Variants in AOPEP observed in about 807,000 individuals in gnomAD.
AOPEP encodes the protein aminopeptidase O.
AOPEP carries 77 observed loss-of-function variants against 98.1 expected under a neutral mutation model. That is an observed-to-expected ratio of 0.78 (90% CI 0.65 to 0.95). The LOEUF (loss-of-function observed/expected upper bound fraction) is 0.95, where lower values mean the gene tolerates loss of function less well. Among genes scored for constraint, AOPEP ranks in the 40% least tolerant of loss-of-function variants. The pLI is 0.00. For synonymous variants in AOPEP, 346 were observed against 365.3 expected, an observed-to-expected ratio of 0.95 and a Z score of 0.60; for missense variants, 1,024 against 1,024.7, an observed-to-expected ratio of 1.00 and a Z score of 0.01.
At chr9:94,732,266 A>G (rs1412319974) in intron 1 of AOPEP, among the ~76,000 whole-genome samples, 2 of 139,920 alleles carry the variant, frequency 1.4e-5, no homozygotes, top group Non-Finnish European at 3.1e-5. Flanking sequence ...TTTTTACCTT[A>G]TCTTTATGAG....
intron 7 of AOPEP, among the ~76,000 whole-genome samples, chr9:94,943,597 TAAAAAAA>T (rs1183754020): frequency 1.4e-5 from 1 of 69,306 alleles, no homozygotes; most frequent in African/African-American, 5.7e-5. Context: ...CCATCTCAAA[TAAAAAAA>T]AAAAAGAAAA....
intron 14 of AOPEP, among the ~76,000 whole-genome samples, chr9:95,061,727 G>A (rs563472960): frequency 3.9e-5 from 6 of 152,196 alleles, no homozygotes; most frequent in African/African-American, 1.2e-4. Context: ...AGAAAAGCCC[G>A]TTCCTTATTA....
rs1417311713 is a variant in AOPEP, at chr9:95,085,644, TGA to T, written c.*5-1033_*5-1032del. ...GGGTGCGGAGCGCGATCCTGGAGGA[TGA>T]GAGACCACTTGACCCCAAGGATGCA... On this transcript the variant is annotated intron_variant, in intron 16 of 16. Transcript: ENST00000375315. The T allele has an allele frequency of 1.1e-5, 4 of 367,418 alleles. No homozygotes were observed. The East Asian group carries it at 2.2e-4, about 20-fold the overall frequency. 22.8% of individuals were successfully genotyped at this position (367,418 alleles called of 1,614,324 possible).
intron 14 of AOPEP, among the ~76,000 whole-genome samples, chr9:95,072,400 G>C (rs949292654): frequency 6.6e-6 from 1 of 152,198 alleles, no homozygotes; most frequent in African/African-American, 2.4e-5. Context: ...GCTTATGTTT[G>C]TAATCCCAGC....
chr9:95,047,268 AGTG>A (rs1394275330), intron 13 of AOPEP, among the ~76,000 whole-genome samples: 1 of 152,230 alleles, frequency 6.6e-6, no homozygotes, highest in Non-Finnish European at 1.5e-5. Context: ...AAGTTTTTAT[AGTG>A]GTGGGGTTTT....
chr9:94,951,811 G>A (rs1033629428), intron 7 of AOPEP, among the ~76,000 whole-genome samples: 3 of 152,186 alleles, frequency 2.0e-5, no homozygotes, highest in African/African-American at 4.8e-5. Context: ...CCTCATGGTT[G>A]CAAGATGGCC....
At chr9:94,745,222 T>A (rs1330132211) in intron 1 of AOPEP, among the ~76,000 whole-genome samples, 1 of 152,138 alleles carries the variant, frequency 6.6e-6, no homozygotes, top group African/African-American at 2.4e-5. Context: ...TTCTCCCTCC[T>A]ACCTAGCCTC....
intron 13 of AOPEP, among the ~76,000 whole-genome samples, chr9:95,023,202 T>TG (rs1320090261): frequency 7.2e-5 from 11 of 152,230 alleles, no homozygotes; most frequent in African/African-American, 2.7e-4. Flanking sequence ...TTTTCAGACT[T>TG]AAAGTCATTT....
At chr9:94,983,037 G>T (rs982132176) in intron 11 of AOPEP, among the ~76,000 whole-genome samples, 1 of 149,228 alleles carries the variant, frequency 6.7e-6, no homozygotes, top group Non-Finnish European at 1.5e-5. Flanking sequence ...TTTTGTTTTT[G>T]TTTTTTTTGA....
chr9:95,143,387 G>A, the AOPEP span, among the ~76,000 whole-genome samples: 5 of 152,146 alleles, frequency 3.3e-5, no homozygotes, highest in Non-Finnish European at 7.3e-5. Flanking sequence ...GAACTCTGGG[G>A]GTCAGGTGTG....
At chr9:95,122,258 C>A in the AOPEP span, among the ~76,000 whole-genome samples, 7 of 152,052 alleles carry the variant, frequency 4.6e-5, 1 homozygote, top group East Asian at 1.2e-3. Flanking sequence ...TACAGATACT[C>A]ATTTTATTAA....
intron 5 of AOPEP, among the ~76,000 whole-genome samples, chr9:94,923,495 C>T (rs932572245): frequency 4.6e-5 from 7 of 152,190 alleles, no homozygotes; most frequent in South Asian, 2.1e-4. Flanking sequence ...GCCAGCTCCC[C>T]GTGCAGAATG....
chr9:94,793,642 A>C (rs549309546), intron 4 of AOPEP, among the ~76,000 whole-genome samples: 4 of 151,568 alleles, frequency 2.6e-5, no homozygotes, highest in African/African-American at 9.7e-5. Context: ...GCGCCACCGC[A>C]CTCCAGCCTG....
chr9:95,048,789 G>T (rs996483244), intron 13 of AOPEP: 2 of 152,188 alleles, frequency 1.3e-5, no homozygotes, highest in African/African-American at 4.8e-5. Flanking sequence ...ATAGGCGTCG[G>T]AATTGTGATT....
chr9:94,859,439 T>G (rs1290931731), intron 5 of AOPEP, among the ~76,000 whole-genome samples: 2 of 152,212 alleles, frequency 1.3e-5, no homozygotes, highest in Admixed American at 6.5e-5. Flanking sequence ...GTGATTGCAT[T>G]TAGGGCCCAT....
the AOPEP span, chr9:95,126,581 G>T: frequency 1.2e-6 from 2 of 1,613,996 alleles, no homozygotes; most frequent in Non-Finnish European, 8.5e-7. Context: ...GCTGCTTGAG[G>T]CTGTAAAAGG....
chr9:95,061,494 A>G (rs1242407746), intron 14 of AOPEP, among the ~76,000 whole-genome samples: 1 of 152,232 alleles, frequency 6.6e-6, no homozygotes, highest in Non-Finnish European at 1.5e-5. Context: ...AGTCTAGTAC[A>G]GCAGCCATTA....
intron 14 of AOPEP, among the ~76,000 whole-genome samples, chr9:95,067,590 T>C (rs1172112503): frequency 1.3e-5 from 2 of 152,182 alleles, no homozygotes; most frequent in African/African-American, 4.8e-5. Context: ...CCAGGTAGTT[T>C]TTCTCGAGAG....
chr9:95,075,003 C>G (rs2068897875), intron 14 of AOPEP, among the ~76,000 whole-genome samples: 2 of 152,222 alleles, frequency 1.3e-5, no homozygotes, highest in African/African-American at 4.8e-5. Flanking sequence ...ACGGGCAGCT[C>G]TGTTCTCACT....
Sources: gnomAD v4.1 joint callset for allele counts (sites outside exome capture counted in the v4.1 genomes callset) on GRCh38, gnomAD v4.1.1 for gene constraint, MANE v1.5 for transcripts, NCBI Gene and HGNC (gene_info 2026-07-23, HGNC 2026-07-21) for gene names.